Variants in TANC2 observed in about 807,000 individuals in gnomAD.
TANC2 encodes protein TANC2.
A neutral mutation model predicts 210.5 loss-of-function variants in TANC2; 26 were observed. That is an observed-to-expected ratio of 0.12 (90% CI 0.09 to 0.17). TANC2 has a LOEUF of 0.17. Among genes scored for constraint, TANC2 ranks in the 10% least tolerant of loss-of-function variants. TANC2 has a pLI of 1.00. For missense variants in TANC2, 2,129 were observed against 2,608.9 expected, an observed-to-expected ratio of 0.82 and a Z score of 4.01; for synonymous variants, 931 against 967.1, an observed-to-expected ratio of 0.96 and a Z score of 0.69.
At chr17:63,057,914 G>A (rs1425227702) in intron 2 of TANC2, among the ~76,000 whole-genome samples, 2 of 151,972 alleles carry the variant, frequency 1.3e-5, no homozygotes, top group South Asian at 2.1e-4. Context: ...GTGTCCTTAT[G>A]GTAGAACAGT....
intron 9 of TANC2, among the ~76,000 whole-genome samples, chr17:63,296,326 A>G (rs2044535307): frequency 6.6e-6 from 1 of 152,142 alleles, no homozygotes; most frequent in African/African-American, 2.4e-5. Flanking sequence ...TAGAAGAGAG[A>G]CTTCAGTGAC....
intron 4 of TANC2, among the ~76,000 whole-genome samples, chr17:63,131,899 G>C (rs181323463): frequency 6.6e-4 from 100 of 152,228 alleles, no homozygotes; most frequent in African/African-American, 2.4e-3. Context: ...CTCCTCAATA[G>C]GATTTTGAGA....
At chr17:63,116,348 C>T (rs758997241) in intron 4 of TANC2, among the ~76,000 whole-genome samples, 14 of 152,178 alleles carry the variant, frequency 9.2e-5, no homozygotes, top group Non-Finnish European at 1.8e-4. Context: ...TCACTGGCTC[C>T]CTCTTCTCCT....
At chr17:63,088,455 TCCTG>T (rs1568374646) in intron 3 of TANC2, 1 of 152,224 alleles carries the variant, frequency 6.6e-6, no homozygotes, top group Non-Finnish European at 1.5e-5. Flanking sequence ...ATATTAAAGT[TCCTG>T]CTCAAGACTT....
intron 3 of TANC2, among the ~76,000 whole-genome samples, chr17:63,095,375 T>G (rs2037349819): frequency 6.6e-6 from 1 of 152,118 alleles, no homozygotes; most frequent in Non-Finnish European, 1.5e-5. Context: ...CTTACATTGT[T>G]GCCCACATCG....
intron 27 of TANC2, 35 bp from the exon 28 acceptor site, chr17:63,419,964 A>G: frequency 4.7e-6 from 7 of 1,497,682 alleles, no homozygotes; most frequent in Non-Finnish European, 6.3e-6. Flanking sequence ...GATTCAGAAT[A>G]ACTCCAGTTC....
intron 4 of TANC2, chr17:63,150,424 T>A (rs1468359121): frequency 6.6e-6 from 1 of 152,202 alleles, no homozygotes; most frequent in Non-Finnish European, 1.5e-5. Context: ...TCCTGAATTT[T>A]TCCTCCTAAA....
chr17:63,389,537 G>T, exon 17 of TANC2: 1 of 1,605,718 alleles, frequency 6.2e-7, no homozygotes, highest in Non-Finnish European at 8.5e-7. Context: ...TGCAAGAAAC[G>T]GGCCAAGGTA....
rs567974349 is a variant in TANC2 at position 63,108,919 on chromosome 17, TAGAATCTAACAACAA to T, written c.322+9567_322+9581del. The stretch of plus-strand genomic sequence containing the variant: ...ACATATTTTTCATTGAAAATCAAAA[TAGAATCTAACAACAA>T]AGAAGATAGGGAGAAATTTCTTTTC... On this transcript the variant is annotated intron_variant, in intron 4 of 27. Coordinates refer to ENST00000689528, the Ensembl canonical transcript of TANC2. Among the ~76,000 whole-genome samples, 480 of 151,574 alleles carry T rather than the reference TAGAATCTAACAACAA, an allele frequency of 3.2e-3. 2 individuals are homozygous for T. The highest frequency in any genetic ancestry group is 5.5e-3 in the Non-Finnish European group (373 of 67,948).
At chr17:63,406,175 C>T in exon 21 of TANC2, 1 of 1,613,918 alleles carries the variant, frequency 6.2e-7, no homozygotes, top group Non-Finnish European at 8.5e-7. Context: ...TTTACTCACC[C>T]ATGGAGCTGA....
chr17:63,413,420 T>C, intron 24 of TANC2, 123 bp from the exon 25 acceptor site: 1 of 648,688 alleles, frequency 1.5e-6, no homozygotes, highest in Admixed American at 2.8e-5. Context: ...AAAGATGAGG[T>C]ACTAATTGTG....
At chr17:63,069,287 T>C in intron 2 of TANC2, among the ~76,000 whole-genome samples, 1 of 152,218 alleles carries the variant, frequency 6.6e-6, no homozygotes, top group East Asian at 1.9e-4. Flanking sequence ...GATAATTCTT[T>C]GTGGTGGTAG....
intron 4 of TANC2, among the ~76,000 whole-genome samples, chr17:63,114,740 A>G (rs2038188687): frequency 6.6e-6 from 1 of 152,220 alleles, no homozygotes; most frequent in South Asian, 2.1e-4. Context: ...TGAAAAAAGA[A>G]TAAAAATAAA....
intron 8 of TANC2, among the ~76,000 whole-genome samples, chr17:63,246,524 T>A (rs1433975399): frequency 2.0e-5 from 3 of 152,274 alleles, no homozygotes; most frequent in African/African-American, 7.2e-5. Flanking sequence ...ACAGAGTCTA[T>A]ATATTTGTAT....
intron 9 of TANC2, among the ~76,000 whole-genome samples, chr17:63,297,552 T>G (rs1362276449): frequency 1.3e-5 from 2 of 151,930 alleles, no homozygotes; most frequent in African/African-American, 4.8e-5. Context: ...TACAGAAAAC[T>G]CAAAATGAAT....
At chr17:63,186,940 C>G (rs114564294) in intron 5 of TANC2, among the ~76,000 whole-genome samples, 1 of 152,130 alleles carries the variant, frequency 6.6e-6, no homozygotes, top group Non-Finnish European at 1.5e-5. Flanking sequence ...TCAAAGTTGT[C>G]GTCATTATTA....
At chr17:63,118,236 T>G (rs2038326403) in intron 4 of TANC2, among the ~76,000 whole-genome samples, 1 of 152,194 alleles carries the variant, frequency 6.6e-6, no homozygotes, top group African/African-American at 2.4e-5. Flanking sequence ...TGTTTACAAA[T>G]GGACTTTCTT....
At chr17:63,270,310 A>G (rs2043660338) in intron 9 of TANC2, among the ~76,000 whole-genome samples, 1 of 152,180 alleles carries the variant, frequency 6.6e-6, no homozygotes, top group South Asian at 2.1e-4. Context: ...AAACTTGGGC[A>G]GATAAACTTT....
intron 8 of TANC2, among the ~76,000 whole-genome samples, chr17:63,263,166 G>A (rs1207118093): frequency 6.6e-6 from 1 of 152,130 alleles, no homozygotes; most frequent in African/African-American, 2.4e-5. Context: ...TGAGCACAGA[G>A]AAGAACATTA....
Sources: gnomAD v4.1 joint callset for allele counts (sites outside exome capture counted in the v4.1 genomes callset) on GRCh38, gnomAD v4.1.1 for gene constraint, MANE v1.5 for transcripts, NCBI Gene and HGNC (gene_info 2026-07-23, HGNC 2026-07-21) for gene names.